The following ADAMTS9 variants were observed in gnomAD, a reference collection of about 807,000 sequenced individuals.
ADAMTS9 encodes the protein A disintegrin and metalloproteinase with thrombospondin motifs 9.
In ADAMTS9, 107 loss-of-function variants were observed where a neutral mutation model predicts 257.1. The ratio of observed to expected loss-of-function variants is 0.42; its 90% CI spans 0.36 to 0.49. The LOEUF is 0.49. Ranked by LOEUF, ADAMTS9 falls within the 20% of genes least tolerant of loss-of-function variation. The pLI, the probability that ADAMTS9 is intolerant of heterozygous loss-of-function variation, is 0.03. For synonymous variants in ADAMTS9, 982 were observed against 880.9 expected (o/e 1.11, Z -2.03); for missense variants, 2,353 against 2,469.1 (o/e 0.95, Z 1.00).
chr3:64,596,716 C>T (rs1311336794), intron 27 of ADAMTS9, 114 bp downstream of exon 27: 2 of 1,303,788 alleles, frequency 1.5e-6, no homozygotes, highest in Admixed American at 2.1e-5. Context: ...TTAATCCCCA[C>T]CCCAGAAGCT....
intron 3 of ADAMTS9, among the ~76,000 whole-genome samples, chr3:64,673,651 T>A (rs1344602530): frequency 2.0e-5 from 3 of 152,172 alleles, no homozygotes; most frequent in African/African-American, 7.2e-5. Context: ...AGGTACTGTG[T>A]AGGCAATATG....
intron 3 of ADAMTS9, among the ~76,000 whole-genome samples, chr3:64,676,619 T>C (rs1466844197): frequency 6.6e-6 from 1 of 152,188 alleles, no homozygotes; most frequent in African/African-American, 2.4e-5. Context: ...GGCCATCATT[T>C]TTAACAGCTG....
intron 11 of ADAMTS9, among the ~76,000 whole-genome samples, chr3:64,646,025 A>C (rs9866907): frequency 0.55 from 84,074 of 152,082 alleles, 23,763 homozygotes; most frequent in East Asian, 0.88. Flanking sequence ...CGTTCATGAC[A>C]GTTTTACTAA....
At chr3:64,623,731 T>A (rs538284598) in intron 16 of ADAMTS9, among the ~76,000 whole-genome samples, 1 of 152,260 alleles carries the variant, frequency 6.6e-6, no homozygotes, top group African/African-American at 2.4e-5. Context: ...CCATGGCACT[T>A]TGTTTATACT....
At chr3:64,554,593 GC>G (rs1367983180) in intron 30 of ADAMTS9, among the ~76,000 whole-genome samples, 5 of 152,156 alleles carry the variant, frequency 3.3e-5, no homozygotes, top group African/African-American at 4.8e-5. Flanking sequence ...AGTTCAATTA[GC>G]CTCATTTTAA....
At chr3:64,643,754 C>T (rs999645130) in intron 11 of ADAMTS9, among the ~76,000 whole-genome samples, 3 of 151,846 alleles carry the variant, frequency 2.0e-5, no homozygotes, top group Non-Finnish European at 4.4e-5. Flanking sequence ...CATGAGCCAA[C>T]ACACCTGGCC....
intron 6 of ADAMTS9, among the ~76,000 whole-genome samples, chr3:64,655,109 T>A (rs924924516): frequency 9.2e-5 from 14 of 152,358 alleles, no homozygotes; most frequent in South Asian, 6.2e-4. Flanking sequence ...TTCACATTTT[T>A]AAAAAATTCA....
chr3:64,560,097 T>G (rs1196083764), intron 30 of ADAMTS9, among the ~76,000 whole-genome samples: 1 of 152,346 alleles, frequency 6.6e-6, no homozygotes, highest in East Asian at 1.9e-4. Context: ...TCTGAAAAGT[T>G]ATTTTATCCC....
intron 25 of ADAMTS9, among the ~76,000 whole-genome samples, 175 bp downstream of exon 25, chr3:64,603,747 C>A (rs531027100): frequency 2.0e-5 from 3 of 152,270 alleles, no homozygotes; most frequent in African/African-American, 7.2e-5. Flanking sequence ...GCTAAGAGTC[C>A]TTGCACACTT....
At chr3:64,612,446 G>A (rs1258588726) in intron 22 of ADAMTS9, among the ~76,000 whole-genome samples, 1 of 152,212 alleles carries the variant, frequency 6.6e-6, no homozygotes, top group East Asian at 1.9e-4. Flanking sequence ...TTGGACTGTG[G>A]ATGCTATGAA....
chr3:64,542,929 G>A (rs567470089), intron 32 of ADAMTS9, among the ~76,000 whole-genome samples: 30 of 151,982 alleles, frequency 2.0e-4, no homozygotes, highest in Admixed American at 1.4e-3. Flanking sequence ...AATGATAAAG[G>A]GAATATCACC....
At chr3:64,605,489 C>G (rs185077621) in intron 23 of ADAMTS9, among the ~76,000 whole-genome samples, 6 of 152,248 alleles carry the variant, frequency 3.9e-5, no homozygotes, top group African/African-American at 1.4e-4. Flanking sequence ...TATCCATTAA[C>G]AACACACTTT....
intron 16 of ADAMTS9, among the ~76,000 whole-genome samples, chr3:64,623,095 A>T (rs1243318832): frequency 6.6e-6 from 1 of 152,300 alleles, no homozygotes; most frequent in East Asian, 1.9e-4. Context: ...ATGCTCAAAG[A>T]TCTCCTTATC....
At chr3:64,671,817 T>C (rs901751658) in intron 3 of ADAMTS9, among the ~76,000 whole-genome samples, 2 of 152,316 alleles carry the variant, frequency 1.3e-5, no homozygotes, top group African/African-American at 4.8e-5. Flanking sequence ...CATGCAGATA[T>C]CTGGTCCACA....
Position 64,686,719 on chromosome 3 carries a change from G to A in ADAMTS9, c.365C>T (p.Pro122Leu). The change falls in exon 2 of 40, where the codon CCA (proline) becomes CTA (leucine). Residue 122 changes from proline (P) to leucine (L), a missense_variant. By Grantham distance (98) the Pro-to-Leu change is moderately conservative. Transcript: ENST00000498707. This position sits in a 1 kb window ranked among gnomAD's most constrained non-coding sequence, Gnocchi z 4.6. ...NLTANAGFIA[P>L]LFTVTLLGTP... ...CCCGAGGAGGGTGACAGTGAACAGT[G>A]GAGCGATAAATCCGGCATTGGCGGT... The A allele has an allele frequency of 6.2e-7, 1 of 1,614,232 alleles. No individual in the cohort carries two copies. The highest frequency in any genetic ancestry group is 2.2e-5 in the East Asian group (1 of 44,878).
chr3:64,574,559 C>CAAAAAA (rs34194727), intron 28 of ADAMTS9, among the ~76,000 whole-genome samples: 32 of 80,598 alleles, frequency 4.0e-4, no homozygotes, highest in African/African-American at 1.2e-3. Flanking sequence ...CCCATCTCTA[C>CAAAAAA]AAAAAAAAAA....
chr3:64,678,628 A>C (rs1701681161), intron 3 of ADAMTS9, among the ~76,000 whole-genome samples: 1 of 152,140 alleles, frequency 6.6e-6, no homozygotes, highest in African/African-American at 2.4e-5. Context: ...TGAACCACTG[A>C]ATCTGAGTGG....
intron 31 of ADAMTS9, among the ~76,000 whole-genome samples, chr3:64,549,045 A>G (rs1237259889): frequency 1.3e-5 from 2 of 152,148 alleles, no homozygotes; most frequent in Non-Finnish European, 2.9e-5. Flanking sequence ...CCTCCAGGTA[A>G]TAGAGGTCCC....
chr3:64,571,711 A>G (rs1694332891), intron 28 of ADAMTS9, among the ~76,000 whole-genome samples: 1 of 152,212 alleles, frequency 6.6e-6, no homozygotes, highest in Admixed American at 6.5e-5. Flanking sequence ...CTAATCTGAT[A>G]GCAAATACTC....
Sources: allele counts gnomAD v4.1 joint callset (sites outside exome capture counted in the v4.1 genomes callset), GRCh38; gene constraint gnomAD v4.1.1; non-coding constraint Gnocchi (gnomAD v3.1); transcripts MANE v1.5; gene names NCBI Gene and HGNC (gene_info 2026-07-23, HGNC 2026-07-21).